The following SLC18A1 variants were observed in gnomAD, a reference collection of about 807,000 sequenced individuals.
The protein encoded by SLC18A1 is chromaffin granule amine transporter.
In SLC18A1, 69 loss-of-function variants were observed where a neutral mutation model predicts 53.7. That is an observed-to-expected ratio of 1.28 (90% confidence interval 1.06 to 1.57). SLC18A1 has a LOEUF of 1.57. Among genes scored for constraint, SLC18A1 ranks in the 40% most tolerant of loss-of-function variants. SLC18A1 has a pLI of 0.00. For missense variants in SLC18A1, 932 were observed against 668.1 expected (o/e 1.40, Z -4.35); for synonymous variants, 320 against 248.1 (o/e 1.29, Z -2.72).
At position 20,145,839 on chromosome 8, in the gene SLC18A1, A is replaced by T; in HGVS notation, c.1502T>A (p.Met501Lys). Residue 501 changes from methionine to lysine, a missense_variant, in exon 16 of 16, where the codon ATG (methionine) becomes AAG (lysine). Physicochemically the swap from Met to Lys is moderately conservative, Grantham distance 95 (BLOSUM62 -1). Transcript: ENST00000276373. ...LSQDCPMETR[M>K]YATQKPTKEF... The stretch of plus-strand genomic sequence containing the variant: ...CTTCGTGGGCTTCTGGGTTGCATAC[A>T]TCCGGGTCTCCATGGGGCAGTCCTG... 1 of 1,611,872 alleles carries T rather than the reference A, an allele frequency of 6.2e-7. No homozygotes were observed. Among genetic ancestry groups the T allele is most frequent in the Non-Finnish European group, 8.5e-7 (1 of 1,179,016 alleles).
Position 20,147,339 on chromosome 8 carries a change from C to T in SLC18A1, c.1383G>A (p.Met461Ile), listed in dbSNP as rs754370007. 9 of 1,613,354 alleles carry T rather than the reference C, an allele frequency of 5.6e-6. No individual in the cohort carries two copies. The highest frequency in any genetic ancestry group is 7.6e-6 in the Non-Finnish European group (9 of 1,179,920). ...CGATGTTGATGACCCCAGTGATGAC[C>T]ATGAGCCAGGGAAAACCGATGGCCT... ...IVKAIGFPWL[M>I]VITGVINIVY... The change falls in exon 15 of 16, where the codon ATG (methionine) becomes ATA (isoleucine). Residue 461 changes from methionine to isoleucine, a missense_variant. Met to Ile is a conservative substitution (Grantham distance 10). Transcript: ENST00000276373.
chr8:20,150,748 T>A lies in SLC18A1; in HGVS notation c.1016-4A>T, dbSNP rs1240120103. 1 of 1,613,696 alleles carries A rather than the reference T, an allele frequency of 6.2e-7. No individual in the cohort carries two copies. Among genetic ancestry groups the A allele is most frequent in the African/African-American group, 1.3e-5 (1 of 75,040 alleles). ...CTGGCAGGCAAGAAAGCTAGACCTG[T>A]GGAAGGACACAGATCCTTACCTTAG... On this transcript the variant is annotated splice_region_variant and splice_polypyrimidine_tract_variant and intron_variant, in intron 10 of 15. Transcript: ENST00000276373.
intron 4 of SLC18A1, among the ~76,000 whole-genome samples, chr8:20,177,015 C>T (rs1200902450): frequency 6.6e-6 from 1 of 152,140 alleles, no homozygotes; most frequent in Non-Finnish European, 1.5e-5. Flanking sequence ...CTTTATGTGA[C>T]TATGGCCATC....
Position 20,151,077 on chromosome 8 carries a change from T to C in SLC18A1, c.1016-333A>G, listed in dbSNP as rs990355218. 5 of 246,254 alleles carry C rather than the reference T, an allele frequency of 2.0e-5. 1 individual carries two copies. In the Admixed American group the frequency reaches 2.4e-4, roughly 12 times the overall value. 15.3% of individuals were successfully genotyped at this position (246,254 alleles called of 1,614,324 possible). On this transcript the variant is annotated intron_variant, in intron 10 of 15. Transcript: ENST00000276373. ...GCCTCGACCTCCTGGGATCAAGTGATCCTCCCAGCTCAGCCTCCCAAGTGG... is the reference window on the plus strand; with the variant it reads ...GCCTCGACCTCCTGGGATCAAGTGACCCTCCCAGCTCAGCCTCCCAAGTGG...
chr8:20,166,040 G>A (rs887859791), intron 8 of SLC18A1, among the ~76,000 whole-genome samples: 3 of 151,872 alleles, frequency 2.0e-5, no homozygotes, highest in Admixed American at 6.6e-5. Context: ...ATTATTCGAA[G>A]TAAAGAAACT....
rs376457622 is a variant in SLC18A1 at position 20,180,075 on chromosome 8, A to T, written c.125-591T>A. ...TTTTCTCTTTTATAAAGAAAACACG[A>T]TGTACCACGATGTTTAAGATTTAAG... On this transcript the variant is annotated intron_variant, in intron 2 of 15. Transcript: ENST00000276373. Among the ~76,000 whole-genome samples the T allele has an allele frequency of 1.6e-4, 24 of 151,082 alleles. 1 individual carries two copies. In the South Asian group the frequency reaches 5.0e-3, roughly 32 times the overall value.
chr8:20,181,033 C>G lies in SLC18A1; in HGVS notation c.-69G>C, dbSNP rs2072416825. ...GGAAGGTCCTGTGACAGCTACAGGT[C>G]TCCTGCAGCCTTTATGGAAGAGGGG... On this transcript the variant is annotated 5_prime_UTR_variant, in exon 2 of 16. Transcript: ENST00000276373. 5.3e-6 allele frequency: 8 copies of G among 1,501,760 alleles called. No individual in the cohort carries two copies. Among genetic ancestry groups the G allele is most frequent in the Non-Finnish European group, 7.2e-6 (8 of 1,116,920 alleles). 93.0% of individuals were successfully genotyped at this position (1,501,760 alleles called of 1,614,324 possible).
chr8:20,161,759 T>G (rs993757464), intron 10 of SLC18A1, among the ~76,000 whole-genome samples: 1 of 152,174 alleles, frequency 6.6e-6, no homozygotes, highest in Non-Finnish European at 1.5e-5. Context: ...TGGAGAATAA[T>G]TGCCTTTGAC....
rs543446502 is a variant in SLC18A1 at position 20,161,793 on chromosome 8, A to G, written c.1015+3076T>C. 1.1e-4 allele frequency among the ~76,000 whole-genome samples: 16 copies of G among 152,302 alleles called. No individual in the cohort carries two copies. In the East Asian group the frequency reaches 2.7e-3, roughly 26 times the overall value. ...ACTCCATGTCCAAAATCCTGGGCAC[A>G]CTGGAGTGGAGTTTGGACCCCTAAG... On this transcript the variant is annotated intron_variant, in intron 10 of 15. Coordinates refer to ENST00000276373, the MANE Select transcript of SLC18A1 (RefSeq NM_003053.4).
chr8:20,164,773 A>G, intron 10 of SLC18A1, 96 bp downstream of exon 10: 3 of 918,348 alleles, frequency 3.3e-6, no homozygotes, highest in Admixed American at 2.5e-5. Context: ...CATTCTACAA[A>G]GGAAGCATGT....
At chr8:20,147,810 G>C in intron 13 of SLC18A1, 88 bp from the exon 14 acceptor site, 1 of 1,559,726 alleles carries the variant, frequency 6.4e-7, no homozygotes, top group Non-Finnish European at 8.7e-7. Flanking sequence ...CATTTGCTTT[G>C]TCTGCTGTCT....
chr8:20,156,669 G>C (rs919541815), intron 10 of SLC18A1, among the ~76,000 whole-genome samples: 1 of 152,128 alleles, frequency 6.6e-6, no homozygotes, highest in African/African-American at 2.4e-5. Flanking sequence ...TAGGAAAAAG[G>C]CACACAGGAT....
intron 5 of SLC18A1, 24 bp from the exon 6 acceptor site, chr8:20,173,152 G>C (rs1439746439): frequency 1.6e-5 from 25 of 1,543,270 alleles, no homozygotes; most frequent in Non-Finnish European, 2.2e-5. Context: ...TACAGATGCA[G>C]CTGGCCCCCT....
Position 20,153,748 on chromosome 8 carries a change from G to T in SLC18A1, c.1016-3004C>A, listed in dbSNP as rs142085138. On this transcript the variant is annotated intron_variant, in intron 10 of 15. Coordinates refer to ENST00000276373, the MANE Select transcript of SLC18A1 (RefSeq NM_003053.4). ...GACAGTGAATTGGTGATCCCAGTTT[G>T]GTCCAAAATTGTTGATATGGGACTA... is the stretch of plus-strand genomic sequence containing the variant. 5.5e-3 allele frequency among the ~76,000 whole-genome samples: 837 copies of T among 152,184 alleles called. 6 individuals carry two copies. The highest frequency in any genetic ancestry group is 0.019 in the African/African-American group (796 of 41,534).
rs1180712433 is a variant in SLC18A1 at position 20,145,916 on chromosome 8, TATC to T, written c.1465-43_1465-41del. The T allele has an allele frequency of 6.5e-6, 8 of 1,235,576 alleles. No individual in the cohort carries two copies. The South Asian group carries it at 1.1e-4, about 17-fold the overall frequency. The allele number at this position is 1,235,576 out of a possible 1,614,324, so 76.5% of individuals were successfully genotyped here. The stretch of plus-strand genomic sequence containing the variant: ...AAGAAGAGAAGCCACTGCACATTAT[TATC>T]ATTTTTTTTTTTTTGAGACGGAGTC... On this transcript the variant is annotated intron_variant, in intron 15 of 15. Coordinates refer to ENST00000276373, the MANE Select transcript of SLC18A1 (RefSeq NM_003053.4).
intron 10 of SLC18A1, among the ~76,000 whole-genome samples, chr8:20,157,195 T>C (rs186859575): frequency 1.2e-3 from 185 of 152,302 alleles, no homozygotes; most frequent in Non-Finnish European, 2.1e-3. Context: ...TGTTCTTTTT[T>C]CAGATGGGAA....
At chr8:20,167,288 T>G (rs1264865491) in intron 8 of SLC18A1, among the ~76,000 whole-genome samples, 2 of 152,192 alleles carry the variant, frequency 1.3e-5, no homozygotes, top group African/African-American at 2.4e-5. Context: ...GAAAAAGAAC[T>G]GAAAAGTCTT....
At chr8:20,153,697 G>T (rs937161906) in intron 10 of SLC18A1, among the ~76,000 whole-genome samples, 1 of 151,962 alleles carries the variant, frequency 6.6e-6, no homozygotes, top group African/African-American at 2.4e-5. Flanking sequence ...GAGGACAGGA[G>T]TAGTGATGGA....
chr8:20,154,442 A>C (rs141479197), intron 10 of SLC18A1, among the ~76,000 whole-genome samples: 3 of 152,332 alleles, frequency 2.0e-5, no homozygotes, highest in Admixed American at 6.5e-5. Context: ...TGCAACAAAC[A>C]AGGGTTCGGT....
Sources: allele counts gnomAD v4.1 joint callset (sites outside exome capture counted in the v4.1 genomes callset), GRCh38; gene constraint gnomAD v4.1.1; transcripts MANE v1.5; gene names NCBI Gene and HGNC (gene_info 2026-07-23, HGNC 2026-07-21).